PPP1R16B: variants seen among roughly 807,000 people sequenced by gnomAD.
PPP1R16B encodes protein phosphatase 1 regulatory subunit 16B.
A neutral mutation model predicts 61.7 loss-of-function variants in PPP1R16B; 14 were observed. That is an observed-to-expected ratio of 0.23 (90% CI 0.15 to 0.35). The LOEUF is 0.35. PPP1R16B is among the 10% of genes least tolerant of loss of function. PPP1R16B has a pLI of 1.00. For synonymous variants in PPP1R16B, 266 were observed against 305.3 expected (o/e 0.87, Z 1.34); for missense variants, 547 against 752.5 (o/e 0.73, Z 3.19).
chr20:38,885,732 C>T (rs1360901706), intron 2 of PPP1R16B, among the ~76,000 whole-genome samples: 3 of 152,070 alleles, frequency 2.0e-5, no homozygotes, highest in Non-Finnish European at 2.9e-5. Context: ...CTGAATTGAC[C>T]GAGGTGCAAA....
intron 2 of PPP1R16B, among the ~76,000 whole-genome samples, chr20:38,871,585 G>C (rs1246351383): frequency 1.5e-5 from 2 of 133,670 alleles, no homozygotes; most frequent in Admixed American, 1.5e-4. Context: ...AGAGAGGAAC[G>C]AAGGGAGGGA....
intron 2 of PPP1R16B, among the ~76,000 whole-genome samples, chr20:38,863,594 C>T (rs964104723): frequency 6.6e-6 from 1 of 152,190 alleles, no homozygotes; most frequent in South Asian, 2.1e-4. Context: ...GATCCTGGGC[C>T]AGTCGCTTTG....
At chr20:38,852,649 A>G (rs1243581051) in intron 2 of PPP1R16B, among the ~76,000 whole-genome samples, 1 of 150,494 alleles carries the variant, frequency 6.6e-6, no homozygotes, top group Non-Finnish European at 1.5e-5. Context: ...GACATTTTCT[A>G]TCTTTGACAT....
intron 2 of PPP1R16B, among the ~76,000 whole-genome samples, chr20:38,888,973 T>C (rs1250788636): frequency 1.3e-5 from 2 of 149,820 alleles, no homozygotes; most frequent in African/African-American, 2.5e-5. Flanking sequence ...AAACCTCTGC[T>C]ACCCTCCTTC....
chr20:38,808,391 A>C (rs2084675867), intron 1 of PPP1R16B, among the ~76,000 whole-genome samples: 1 of 149,940 alleles, frequency 6.7e-6, no homozygotes, highest in Non-Finnish European at 1.5e-5. Context: ...CCTAGCCACC[A>C]CCCCTCCTGC....
chr20:38,842,414 A>G (rs928995513), intron 2 of PPP1R16B, among the ~76,000 whole-genome samples: 9 of 152,208 alleles, frequency 5.9e-5, no homozygotes, highest in Non-Finnish European at 1.0e-4. Flanking sequence ...TTAAGTTGTT[A>G]GAGACTTCTG....
At chr20:38,838,561 GC>G (rs998098927) in intron 2 of PPP1R16B, 9 of 152,316 alleles carry the variant, frequency 5.9e-5, no homozygotes, top group Admixed American at 5.9e-4. Context: ...TGGGGACATG[GC>G]CCCGAGGCTC....
chr20:38,862,756 G>A (rs1422229794), intron 2 of PPP1R16B, among the ~76,000 whole-genome samples: 1 of 152,178 alleles, frequency 6.6e-6, no homozygotes, highest in African/African-American at 2.4e-5. Flanking sequence ...CCCTAGGGTG[G>A]GGAGTGCAAA....
At chr20:38,809,985 GAAAAAAAAAAA>G (rs11086731) in intron 1 of PPP1R16B, among the ~76,000 whole-genome samples, 2 of 80,150 alleles carry the variant, frequency 2.5e-5, no homozygotes, top group African/African-American at 9.3e-5. Flanking sequence ...ACCTTGTTTC[GAAAAAAAAAAA>G]AAAAAAAAAA....
At chr20:38,857,687 G>A (rs546532908) in intron 2 of PPP1R16B, among the ~76,000 whole-genome samples, 1 of 152,172 alleles carries the variant, frequency 6.6e-6, no homozygotes, top group African/African-American at 2.4e-5. Context: ...ATTTCTTAAA[G>A]CTCCATTTTT....
At chr20:38,892,647 G>A (rs1855526092) in intron 3 of PPP1R16B, among the ~76,000 whole-genome samples, 1 of 152,204 alleles carries the variant, frequency 6.6e-6, no homozygotes, top group Non-Finnish European at 1.5e-5. Context: ...TAATAATAGA[G>A]GTAATGCAGT....
chr20:38,835,736 C>A, intron 1 of PPP1R16B, 89 bp from the exon 2 acceptor site: 1 of 659,416 alleles, frequency 1.5e-6, no homozygotes, highest in Non-Finnish European at 2.4e-6. Flanking sequence ...ACCTCAAAAG[C>A]GTTTCGAACA....
intron 2 of PPP1R16B, among the ~76,000 whole-genome samples, chr20:38,876,924 A>G (rs1334954335): frequency 6.6e-6 from 1 of 151,952 alleles, no homozygotes; most frequent in East Asian, 1.9e-4. Context: ...TAGCTACTGT[A>G]TTTTTTTTCC....
intron 5 of PPP1R16B, 74 bp downstream of exon 5, chr20:38,900,758 C>A: frequency 1.7e-6 from 2 of 1,190,440 alleles, no homozygotes; most frequent in Admixed American, 3.0e-5. Context: ...TCAATGCAGG[C>A]GAACAGATTA....
chr20:38,903,166 C>T (rs1388261141), intron 6 of PPP1R16B, among the ~76,000 whole-genome samples: 2 of 152,280 alleles, frequency 1.3e-5, no homozygotes, highest in African/African-American at 2.4e-5. Flanking sequence ...AATCCAGCCA[C>T]TCTCAAGTGG....
chr20:38,906,793 A>T (rs1372014197), intron 7 of PPP1R16B, among the ~76,000 whole-genome samples, 186 bp from the exon 8 acceptor site: 3 of 151,956 alleles, frequency 2.0e-5, no homozygotes, highest in Non-Finnish European at 4.4e-5. Context: ...CATGTGGAGG[A>T]GGTGCTAAGC....
chr20:38,873,819 C>A (rs1840696652), intron 2 of PPP1R16B, among the ~76,000 whole-genome samples: 1 of 151,482 alleles, frequency 6.6e-6, no homozygotes, highest in South Asian at 2.1e-4. Context: ...ACCTCTGCCT[C>A]CTGGGTTCAA....
chr20:38,906,461 T>G (rs1409589980), intron 7 of PPP1R16B, among the ~76,000 whole-genome samples: 2 of 151,336 alleles, frequency 1.3e-5, no homozygotes, highest in African/African-American at 4.8e-5. Flanking sequence ...GCCCAGCTAA[T>G]TTTTTGTATT....
In PPP1R16B at chr20:38,835,942, A is replaced by G; in HGVS notation, c.17A>G (p.Asp6Gly). 2 of 1,542,570 alleles carry G rather than the reference A, an allele frequency of 1.3e-6. No individual in the cohort carries two copies. Among genetic ancestry groups the G allele is most frequent in the Non-Finnish European group, 1.7e-6 (2 of 1,145,706 alleles). MASHVDLLTELQLLEK... is the reference protein window; with the variant it reads MASHVGLLTELQLLEK... ...GCGGTGGCCATGGCCAGTCACGTGGACCTGCTGACGGAGCTGCAGCTGCTG... is the reference window on the plus strand; with the variant it reads ...GCGGTGGCCATGGCCAGTCACGTGGGCCTGCTGACGGAGCTGCAGCTGCTG... The change falls in exon 2 of 11, where the codon GAC becomes GGC. Residue 6 changes from aspartate (D) to glycine (G), a missense_variant. Asp to Gly is a moderately conservative substitution (Grantham distance 94). Transcript: ENST00000299824.
Sources: allele counts gnomAD v4.1 joint callset (sites outside exome capture counted in the v4.1 genomes callset), GRCh38; gene constraint gnomAD v4.1.1; transcripts MANE v1.5; gene names NCBI Gene and HGNC (gene_info 2026-07-23, HGNC 2026-07-21).